GAPVD1: variants seen among roughly 807,000 people sequenced by gnomAD.
GAPVD1 encodes the protein GTPase-activating protein and VPS9 domain-containing protein 1.
Under a neutral mutation model 155.5 loss-of-function variants are expected in GAPVD1, and 35 were observed. The observed-to-expected ratio is 0.23, with a 90% CI of 0.17 to 0.30. The LOEUF (loss-of-function observed/expected upper bound fraction) is 0.30, where lower values mean the gene tolerates loss of function less well. GAPVD1 is among the 10% of genes least tolerant of loss of function. The pLI, the probability that GAPVD1 is intolerant of heterozygous loss-of-function variation, is 1.00. For synonymous variants in GAPVD1, 636 were observed against 619.7 expected (o/e 1.03, Z -0.39); for missense variants, 1,429 against 1,775.7 (o/e 0.80, Z 3.51).
chr9:125,322,150 C>T (rs571985701), intron 10 of GAPVD1, among the ~76,000 whole-genome samples: 66 of 152,110 alleles, frequency 4.3e-4, no homozygotes, highest in African/African-American at 1.4e-3. Context: ...CTGCAAGCTC[C>T]GCCTCCCGGG....
At chr9:125,282,013 G>A (rs531279338) in intron 2 of GAPVD1, among the ~76,000 whole-genome samples, 1 of 152,222 alleles carries the variant, frequency 6.6e-6, no homozygotes, top group South Asian at 2.1e-4. Flanking sequence ...AATTTTAGTG[G>A]CTCATGCCTG....
chr9:125,262,786 CATT>C (rs1268990035), intron 1 of GAPVD1, among the ~76,000 whole-genome samples: 1 of 152,134 alleles, frequency 6.6e-6, no homozygotes, highest in Non-Finnish European at 1.5e-5. Context: ...AAAATGACAT[CATT>C]ATTTTTATTG....
chr9:125,274,355 A>G lies in GAPVD1; in HGVS notation c.-150+5371A>G, dbSNP rs186318525. Among the ~76,000 whole-genome samples, 755 of 151,862 alleles carry G rather than the reference A, an allele frequency of 5.0e-3. 8 individuals are homozygous for G. Among genetic ancestry groups the G allele is most frequent in the African/African-American group, 0.017 (708 of 41,368 alleles). On this transcript the variant is annotated intron_variant, in intron 2 of 27. Coordinates refer to ENST00000297933, the MANE Select transcript of GAPVD1 (RefSeq NM_001282680.3). ...TTTTAAAAAAAACTAAAAACAATGGAAAAAAAATGAAGGGTTTTCTTTCTC... is the reference window on the plus strand; with the variant it reads ...TTTTAAAAAAAACTAAAAACAATGGGAAAAAAATGAAGGGTTTTCTTTCTC...
rs746984125 is a variant in GAPVD1, at chr9:125,360,656, C to T, written c.4173C>T (p.Ser1391=). The change falls in exon 27 of 28, where the codon AGC becomes AGT. Residue 1391 remains serine, a synonymous_variant. Coordinates refer to ENST00000297933, the MANE Select transcript of GAPVD1 (RefSeq NM_001282680.3). ...RMCSTIMNLL[S]LANEDSVPGA... ...GCTCTACGATTATGAACCTCCTGAGCCTGGCCAATGAGGACTCTGTCCCTG... is the reference window on the plus strand; with the variant it reads ...GCTCTACGATTATGAACCTCCTGAGTCTGGCCAATGAGGACTCTGTCCCTG... 1 of 1,614,004 alleles carries T rather than the reference C, an allele frequency of 6.2e-7. No homozygotes were observed.
chr9:125,326,303 A>C, intron 11 of GAPVD1, 113 bp from the exon 12 acceptor site: 1 of 690,744 alleles, frequency 1.4e-6, no homozygotes, highest in South Asian at 2.0e-5. Flanking sequence ...GGATCACCTG[A>C]GATTGGGAGT....
chr9:125,292,836 T>C (rs918362494), intron 2 of GAPVD1, among the ~76,000 whole-genome samples: 1 of 152,174 alleles, frequency 6.6e-6, no homozygotes, highest in Admixed American at 6.5e-5. Context: ...AAGGGGAGTC[T>C]TAATTGAGCA....
chr9:125,350,491 C>A, intron 22 of GAPVD1, 87 bp downstream of exon 22: 2 of 868,150 alleles, frequency 2.3e-6, no homozygotes, highest in Non-Finnish European at 3.9e-6. Flanking sequence ...TGAAGCTGTA[C>A]AGCAATTCCA....
At position 125,365,403 on chromosome 9, in the gene GAPVD1, A is replaced by G. The variant is rs971473248; in HGVS notation, c.*2657A>G. The G allele has an allele frequency of 2.8e-4, 42 of 151,118 alleles. No individual in the cohort carries two copies. The highest frequency in any genetic ancestry group is 9.2e-4 in the African/African-American group (38 of 41,096). 9.4% of individuals were successfully genotyped at this position (151,118 alleles called of 1,614,324 possible). On this transcript the variant is annotated 3_prime_UTR_variant, in exon 28 of 28. Coordinates refer to ENST00000297933, the MANE Select transcript of GAPVD1 (RefSeq NM_001282680.3). The stretch of plus-strand genomic sequence containing the variant: ...CACTGCCTTCCAGTACTTTCTTTAC[A>G]TGAAAGATTAGTGTAAAAGTACAAA...
chr9:125,329,095 C>T (rs557667372), intron 12 of GAPVD1, among the ~76,000 whole-genome samples: 9 of 152,252 alleles, frequency 5.9e-5, no homozygotes, highest in African/African-American at 2.2e-4. Context: ...TTCGGCTCCG[C>T]ATGAGAGGGA....
chr9:125,312,959 T>TA (rs1842862968), intron 9 of GAPVD1, among the ~76,000 whole-genome samples: 1 of 152,108 alleles, frequency 6.6e-6, no homozygotes, highest in African/African-American at 2.4e-5. Flanking sequence ...TAGCTGGGAT[T>TA]ACAGGCATGC....
intron 12 of GAPVD1, among the ~76,000 whole-genome samples, chr9:125,328,205 TA>T (rs76901826): frequency 0.021 from 2,983 of 142,450 alleles, 59 homozygotes; most frequent in African/African-American, 0.039. Context: ...TTTTTTTTTT[TA>T]AATTTATTTT....
intron 15 of GAPVD1, 75 bp from the exon 16 acceptor site, chr9:125,336,943 T>G (rs1847111181): frequency 1.2e-6 from 1 of 822,418 alleles, no homozygotes; most frequent in African/African-American, 1.7e-5. Context: ...AAAGAATACT[T>G]AAAACCCTTT....
chr9:125,338,600 G>T (rs117430689), intron 17 of GAPVD1, among the ~76,000 whole-genome samples: 566 of 152,242 alleles, frequency 3.7e-3, no homozygotes, highest in Non-Finnish European at 5.7e-3. Context: ...ATGTTCCTCA[G>T]GTTAGGTTGT....
intron 15 of GAPVD1, chr9:125,335,123 GC>G (rs1564420752): frequency 1.4e-6 from 1 of 723,730 alleles, no homozygotes; most frequent in Non-Finnish European, 2.5e-6. Flanking sequence ...TTCTGAAAAG[GC>G]TACTAACATA....
rs61733785 is a variant in GAPVD1, at chr9:125,302,676, T to C, written c.879T>C (p.Cys293=). Residue 293 remains cysteine (C), a synonymous_variant, in exon 5 of 28, where the codon TGT becomes TGC. Transcript: ENST00000297933. ...IVSQMYKTLS[C]VDRLEVGEVR... is the part of the protein sequence containing the mutation. ...CTCAGATGTACAAAACCCTCTCCTG[T>C]GTAGATAGGCTGGAAGTTGGGGAGG... is the stretch of plus-strand genomic sequence containing the variant. 154 of 1,613,974 alleles carry C rather than the reference T, an allele frequency of 9.5e-5. No homozygotes were observed. In the African/African-American group the frequency reaches 1.7e-3, roughly 18 times the overall value.
intron 15 of GAPVD1, among the ~76,000 whole-genome samples, chr9:125,333,080 G>GT (rs529247215): frequency 0.01 from 1,500 of 148,478 alleles, 26 homozygotes; most frequent in African/African-American, 0.034. Flanking sequence ...TAAAACTTCT[G>GT]TTTTTTTTTT....
Position 125,363,817 on chromosome 9 carries a change from T to C in GAPVD1, c.*1071T>C, listed in dbSNP as rs1851245231. ...AGTGATAAACTATTTTAATCAACCATACTATTCTTATGGAAAAAAATATCT... is the reference window on the plus strand; with the variant it reads ...AGTGATAAACTATTTTAATCAACCACACTATTCTTATGGAAAAAAATATCT... On this transcript the variant is annotated 3_prime_UTR_variant, in exon 28 of 28. Coordinates refer to ENST00000297933, the MANE Select transcript of GAPVD1 (RefSeq NM_001282680.3). 1 of 152,682 alleles carries C rather than the reference T, an allele frequency of 6.5e-6. No homozygotes were observed. Among genetic ancestry groups the C allele is most frequent in the Non-Finnish European group, 1.5e-5 (1 of 68,050 alleles). 9.5% of individuals were successfully genotyped at this position (152,682 alleles called of 1,614,324 possible).
intron 2 of GAPVD1, among the ~76,000 whole-genome samples, chr9:125,280,650 A>C (rs900300740): frequency 6.8e-6 from 1 of 147,112 alleles, no homozygotes; most frequent in African/African-American, 2.5e-5. Context: ...ATCTTGGCTC[A>C]CTGCAAACTC....
At chr9:125,309,852 T>C in intron 8 of GAPVD1, 1 of 350,772 alleles carries the variant, frequency 2.9e-6, no homozygotes, top group South Asian at 2.3e-5. Context: ...GGCTATTGCA[T>C]TTATTTCGTA....
Sources: allele counts gnomAD v4.1 joint callset (sites outside exome capture counted in the v4.1 genomes callset), GRCh38; gene constraint gnomAD v4.1.1; transcripts MANE v1.5; gene names NCBI Gene and HGNC (gene_info 2026-07-23, HGNC 2026-07-21).